Variants in FAT3 observed in about 807,000 individuals in gnomAD.
FAT3 encodes FAT atypical cadherin 3.
Under a neutral mutation model 310.2 loss-of-function variants are expected in FAT3, and 95 were observed. The observed-to-expected ratio is 0.31, with a 90% CI of 0.26 to 0.36. The LOEUF is 0.36. Among genes scored for constraint, FAT3 ranks in the 10% least tolerant of loss-of-function variants. The pLI is 1.00. For missense variants in FAT3, 5,408 were observed against 5,715.6 expected (o/e 0.95, Z 1.74); for synonymous variants, 2,314 against 2,192.9 (o/e 1.06, Z -1.54).
chr11:92,509,740 C>A (rs2135304737), intron 2 of FAT3, among the ~76,000 whole-genome samples: 1 of 152,256 alleles, frequency 6.6e-6, no homozygotes, highest in South Asian at 2.1e-4. Flanking sequence ...ATGGTAAAAA[C>A]TGCAGTTACT....
intron 21 of FAT3, among the ~76,000 whole-genome samples, chr11:92,861,453 G>C (rs1208328174): frequency 6.6e-6 from 1 of 152,190 alleles, no homozygotes; most frequent in African/African-American, 2.4e-5. Context: ...GGCAGCTCCA[G>C]CTCCTAAGGT....
At chr11:92,462,840 T>TATA (rs1951668971) in intron 2 of FAT3, among the ~76,000 whole-genome samples, 1 of 152,226 alleles carries the variant, frequency 6.6e-6, no homozygotes, top group Non-Finnish European at 1.5e-5. Context: ...TTTGTCTTAT[T>TATA]CCCTGGCCAA....
At position 92,867,121 on chromosome 11, in the gene FAT3, G is replaced by A. The variant is rs373701632; in HGVS notation, c.12039G>A (p.Glu4013=). The change falls in exon 22 of 28, where the codon GAG becomes GAA. Residue 4013 remains glutamate (E), a synonymous_variant. Coordinates refer to ENST00000525166, the MANE Select transcript of FAT3 (RefSeq NM_001367949.2). ...TCGCGGAGGTGGTGGGCCTGACGGA[G>A]CTGAAGCTGGGCTGCGTGCTCTATC... ...SSFAEVVGLT[E]LKLGCVLYPD... 3.8e-5 allele frequency: 61 copies of A among 1,602,686 alleles called. No individual in the cohort carries two copies. In the African/African-American group the frequency reaches 7.3e-4, roughly 19 times the overall value.
At chr11:92,635,753 A>G (rs573741040) in intron 3 of FAT3, among the ~76,000 whole-genome samples, 1 of 152,334 alleles carries the variant, frequency 6.6e-6, no homozygotes, top group East Asian at 1.9e-4. Context: ...AACTGGAGTG[A>G]CTTAAATACT....
At chr11:92,323,411 A>C (rs1278422495) in intron 1 of FAT3, among the ~76,000 whole-genome samples, 1 of 151,858 alleles carries the variant, frequency 6.6e-6, no homozygotes, top group East Asian at 1.9e-4. Context: ...CCATGCCTGG[A>C]TAATTTTTTA....
intron 2 of FAT3, among the ~76,000 whole-genome samples, chr11:92,481,225 A>G (rs2135193862): frequency 6.6e-6 from 1 of 152,334 alleles, no homozygotes; most frequent in East Asian, 1.9e-4. Flanking sequence ...TTGCCTATTC[A>G]AATAGAAATA....
At chr11:92,580,996 C>T (rs1462220758) in intron 3 of FAT3, among the ~76,000 whole-genome samples, 1 of 152,180 alleles carries the variant, frequency 6.6e-6, no homozygotes, top group East Asian at 1.9e-4. Context: ...TTTGTTTACA[C>T]ATAGTTGGGT....
At position 92,718,586 on chromosome 11, in the gene FAT3, C is replaced by T. The variant is rs117928194; in HGVS notation, c.3669+21141C>T. On this transcript the variant is annotated intron_variant, in intron 4 of 27. Transcript: ENST00000525166. ...ATTACTCTTTCTTACTAGTGTCTTC[C>T]TAGTATATAGCATCTGAAATTATTA... Among the ~76,000 whole-genome samples, 576 of 152,198 alleles carry T rather than the reference C, an allele frequency of 3.8e-3. 3 individuals are homozygous for T. The highest frequency in any genetic ancestry group is 6.2e-3 in the Admixed American group (95 of 15,274).
At chr11:92,868,873 T>C (rs967069562) in intron 22 of FAT3, among the ~76,000 whole-genome samples, 1 of 152,318 alleles carries the variant, frequency 6.6e-6, no homozygotes, top group East Asian at 1.9e-4. Flanking sequence ...ACATGGGGAA[T>C]AGCAATTTTC....
chr11:92,431,668 C>T (rs1186239746), intron 2 of FAT3, among the ~76,000 whole-genome samples: 1 of 151,978 alleles, frequency 6.6e-6, no homozygotes, highest in Non-Finnish European at 1.5e-5. Flanking sequence ...GTCTTTAATC[C>T]ATCTTGAATT....
At chr11:92,775,658 A>T (rs1464847897) in intron 7 of FAT3, among the ~76,000 whole-genome samples, 1 of 152,232 alleles carries the variant, frequency 6.6e-6, no homozygotes, top group East Asian at 1.9e-4. Flanking sequence ...ATTGTTATAT[A>T]AAAGTAATAT....
chr11:92,366,856 GA>G (rs1949035734), intron 2 of FAT3: 12 of 534,924 alleles, frequency 2.2e-5, no homozygotes, highest in Admixed American at 3.8e-5. Flanking sequence ...TGTTGCTGTA[GA>G]AAGGATGGTT....
chr11:92,751,123 C>T (rs935229591), intron 4 of FAT3, among the ~76,000 whole-genome samples: 3 of 152,078 alleles, frequency 2.0e-5, no homozygotes, highest in African/African-American at 7.2e-5. Flanking sequence ...GAACTGTGTT[C>T]AGAGGAAAGA....
At position 92,834,911 on chromosome 11, in the gene FAT3, A is replaced by G; in HGVS notation, c.9913A>G (p.Lys3305Glu). The change falls in exon 15 of 28, where the codon AAA becomes GAA. Residue 3305 changes from lysine to glutamate, a missense_variant. This residue lies in a region of FAT3 where 4,588 missense variants were observed against 4,809.8 expected (regional missense o/e 0.95). Transcript: ENST00000525166. The part of the protein sequence containing the change: ...VSEVLDYELC[K>E]RFYLVVEAKD... Reference sequence around the variant, plus strand: ...TGAAGTCCTGGACTATGAATTATGCAAAAGGTTTTACCTGGTAGTGGAAGC... The same window carrying G: ...TGAAGTCCTGGACTATGAATTATGCGAAAGGTTTTACCTGGTAGTGGAAGC... 6.2e-7 allele frequency: 1 copy of G among 1,612,868 alleles called. No homozygotes were observed. Among genetic ancestry groups the G allele is most frequent in the Non-Finnish European group, 8.5e-7 (1 of 1,179,440 alleles).
intron 2 of FAT3, among the ~76,000 whole-genome samples, chr11:92,484,441 C>T (rs763498776): frequency 2.6e-5 from 4 of 151,954 alleles, no homozygotes; most frequent in Non-Finnish European, 5.9e-5. Context: ...TAAGAGTGCC[C>T]ATTTGCACGA....
At chr11:92,652,673 G>A (rs1942422747) in intron 3 of FAT3, among the ~76,000 whole-genome samples, 1 of 152,184 alleles carries the variant, frequency 6.6e-6, no homozygotes, top group Non-Finnish European at 1.5e-5. Context: ...TGGGAGGAAA[G>A]GAGTCTAAAG....
chr11:92,316,912 T>C (rs766845943), intron 1 of FAT3, among the ~76,000 whole-genome samples: 7 of 152,288 alleles, frequency 4.6e-5, no homozygotes, highest in Non-Finnish European at 1.0e-4. Flanking sequence ...CGGAGACCCA[T>C]GGTTTCATTT....
Position 92,354,613 on chromosome 11 carries a change from A to G in FAT3, c.2501A>G (p.Asp834Gly), listed in dbSNP as rs200599626. 36 of 1,613,724 alleles carry G rather than the reference A, an allele frequency of 2.2e-5. No individual in the cohort carries two copies. The highest frequency in any genetic ancestry group is 3.0e-5 in the Non-Finnish European group (35 of 1,179,876). Reference protein sequence around the residue: ...ANDNSPVFIQDSYSVNILESS... With the variant: ...ANDNSPVFIQGSYSVNILESS... ...GACAATAGCCCAGTTTTTATTCAAG[A>G]CAGTTACTCAGTTAACATTCTTGAA... The change falls in exon 2 of 28, where the codon GAC (aspartate) becomes GGC (glycine). Residue 834 changes from aspartate (D) to glycine (G), a missense_variant. Coordinates refer to ENST00000525166, the MANE Select transcript of FAT3 (RefSeq NM_001367949.2).
chr11:92,353,292 G>C lies in FAT3; in HGVS notation c.1180G>C (p.Val394Leu). Residue 394 changes from valine (V) to leucine (L), a missense_variant, in exon 2 of 28, where the codon GTG (valine) becomes CTG (leucine). Around this residue, in one of 5 missense-constraint regions of FAT3, gnomAD observed 4,588 missense variants for 4,809.8 expected, o/e 0.95. Coordinates refer to ENST00000525166, the MANE Select transcript of FAT3 (RefSeq NM_001367949.2). ...SISEFSPPGV[V>L]VAIVKLSPEP... is the part of the protein sequence containing the mutation. ...AAGTGAATTTTCCCCTCCTGGTGTC[G>C]TGGTTGCTATAGTAAAATTAAGTCC... The C allele has an allele frequency of 6.2e-7, 1 of 1,613,636 alleles. No homozygotes were observed.
Sources: gnomAD v4.1 joint callset for allele counts (sites outside exome capture counted in the v4.1 genomes callset) on GRCh38, gnomAD v4.1.1 for gene constraint, gnomAD v4.1.1 regional missense constraint, MANE v1.5 for transcripts, NCBI Gene and HGNC (gene_info 2026-07-23, HGNC 2026-07-21) for gene names.